The following ROBO1 variants were observed in gnomAD, a reference collection of about 807,000 sequenced individuals.
ROBO1 encodes roundabout guidance receptor 1.
Under a neutral mutation model 195.9 loss-of-function variants are expected in ROBO1, and 149 were observed. The ratio of observed to expected loss-of-function variants is 0.76; its 90% CI spans 0.67 to 0.87. The LOEUF is 0.87. Ranked by LOEUF, ROBO1 falls within the 40% of genes least tolerant of loss-of-function variation. The probability of loss-of-function intolerance (pLI) is 0.00; values close to 1 mark genes in which losing one functional copy is unlikely to be tolerated. For synonymous variants in ROBO1, 816 were observed against 733.2 expected (o/e 1.11, Z -1.82); for missense variants, 1,933 against 2,068.3 (o/e 0.93, Z 1.27).
intron 3 of ROBO1, among the ~76,000 whole-genome samples, chr3:79,057,851 C>T (rs370734774): frequency 6.6e-6 from 1 of 152,160 alleles, no homozygotes; most frequent in South Asian, 2.1e-4. Flanking sequence ...GTGTGGATTC[C>T]TGGAGCTACA....
At chr3:79,451,164 G>C (rs1226911652) in intron 2 of ROBO1, among the ~76,000 whole-genome samples, 1 of 148,630 alleles carries the variant, frequency 6.7e-6, no homozygotes, top group Non-Finnish European at 1.5e-5. Flanking sequence ...AGTATCTAAA[G>C]TCAATATAGA....
At chr3:78,731,659 T>C (rs2082289747) in intron 5 of ROBO1, among the ~76,000 whole-genome samples, 1 of 152,150 alleles carries the variant, frequency 6.6e-6, no homozygotes, top group African/African-American at 2.4e-5. Context: ...TCTTCAAATT[T>C]ATGTGAAAAG....
At chr3:79,562,276 G>A (rs974600347) in intron 2 of ROBO1, among the ~76,000 whole-genome samples, 2 of 151,072 alleles carry the variant, frequency 1.3e-5, no homozygotes, top group Admixed American at 1.3e-4. Flanking sequence ...AACACTATGT[G>A]CACACACACA....
At chr3:78,947,924 A>G (rs571051453) in intron 3 of ROBO1, among the ~76,000 whole-genome samples, 55 of 152,370 alleles carry the variant, frequency 3.6e-4, no homozygotes, top group Admixed American at 1.2e-3. Flanking sequence ...AAAATCTAGA[A>G]GAAATGGATA....
intron 2 of ROBO1, among the ~76,000 whole-genome samples, chr3:79,521,026 A>G (rs907725591): frequency 6.6e-6 from 1 of 152,180 alleles, no homozygotes; most frequent in South Asian, 2.1e-4. Context: ...TAGTCTGTAG[A>G]CATTAGCTAC....
At chr3:79,273,489 C>G (rs976454099) in intron 2 of ROBO1, among the ~76,000 whole-genome samples, 1 of 151,728 alleles carries the variant, frequency 6.6e-6, no homozygotes, top group Non-Finnish European at 1.5e-5. Flanking sequence ...CTCATGGTAA[C>G]CTCAAATCAA....
chr3:78,958,212 T>C (rs2041144682), intron 3 of ROBO1, among the ~76,000 whole-genome samples: 1 of 152,234 alleles, frequency 6.6e-6, no homozygotes, highest in African/African-American at 2.4e-5. Context: ...TGGATAACTG[T>C]TTTCTTACCT....
chr3:78,814,489 C>T (rs555038577), intron 4 of ROBO1, among the ~76,000 whole-genome samples: 18 of 151,932 alleles, frequency 1.2e-4, no homozygotes, highest in African/African-American at 4.1e-4. Flanking sequence ...CCAGAGTCTA[C>T]CTTATTGATG....
At chr3:78,602,153 G>A (rs959039146) in intron 29 of ROBO1, among the ~76,000 whole-genome samples, 6 of 152,064 alleles carry the variant, frequency 3.9e-5, no homozygotes, top group African/African-American at 1.4e-4. Context: ...TGGAGGTGGG[G>A]CCAGGTGGGA....
chr3:79,632,623 AT>A (rs151018889), intron 1 of ROBO1, among the ~76,000 whole-genome samples: 2,625 of 152,294 alleles, frequency 0.017, 32 homozygotes, highest in Non-Finnish European at 0.026. Context: ...CCCTGAATCT[AT>A]TTTTGAAAAA....
At chr3:79,150,480 C>T (rs868368657) in intron 2 of ROBO1, among the ~76,000 whole-genome samples, 59 of 151,592 alleles carry the variant, frequency 3.9e-4, no homozygotes, top group Admixed American at 4.6e-4. Context: ...ATTTAAAAGA[C>T]AATATTATGG....
At chr3:79,326,825 A>G (rs1029483744) in intron 2 of ROBO1, among the ~76,000 whole-genome samples, 1 of 152,194 alleles carries the variant, frequency 6.6e-6, no homozygotes, top group African/African-American at 2.4e-5. Flanking sequence ...GAAACTATAT[A>G]TGATCATACC....
intron 2 of ROBO1, among the ~76,000 whole-genome samples, chr3:79,178,674 G>A (rs1408206299): frequency 6.6e-6 from 1 of 152,158 alleles, no homozygotes; most frequent in Non-Finnish European, 1.5e-5. Flanking sequence ...CATTGTGAGG[G>A]TTAATTTACT....
intron 8 of ROBO1, among the ~76,000 whole-genome samples, chr3:78,705,767 T>A (rs1465245910): frequency 6.6e-6 from 1 of 152,082 alleles, no homozygotes; most frequent in Non-Finnish European, 1.5e-5. Context: ...AAAAGGCAAA[T>A]GTGCTGTCTC....
intron 4 of ROBO1, among the ~76,000 whole-genome samples, chr3:78,852,944 G>A (rs1010241454): frequency 2.0e-5 from 3 of 152,052 alleles, no homozygotes; most frequent in African/African-American, 4.8e-5. Flanking sequence ...TGGTTCATAG[G>A]TTTATGCATA....
intron 2 of ROBO1, among the ~76,000 whole-genome samples, chr3:79,241,334 GT>G (rs1188424611): frequency 6.6e-6 from 1 of 152,084 alleles, no homozygotes; most frequent in African/African-American, 2.4e-5. Flanking sequence ...GTTCCTATAT[GT>G]TTAGATTGCC....
chr3:79,691,837 T>G (rs955380389), intron 1 of ROBO1, among the ~76,000 whole-genome samples: 2 of 151,936 alleles, frequency 1.3e-5, no homozygotes, highest in African/African-American at 4.8e-5. Flanking sequence ...AAAATTACTT[T>G]CTACGAACCT....
intron 2 of ROBO1, among the ~76,000 whole-genome samples, chr3:79,452,866 C>A (rs1388779659): frequency 6.6e-6 from 1 of 151,766 alleles, no homozygotes; most frequent in East Asian, 1.9e-4. Flanking sequence ...GGGCATAAAG[C>A]AGAAGTTATG....
At chr3:78,801,294 C>T (rs779559518) in intron 4 of ROBO1, among the ~76,000 whole-genome samples, 2 of 152,020 alleles carry the variant, frequency 1.3e-5, no homozygotes, top group Non-Finnish European at 2.9e-5. Context: ...AAGGCATATT[C>T]GATTATGAAA....
Sources: gnomAD v4.1 joint callset for allele counts (sites outside exome capture counted in the v4.1 genomes callset) on GRCh38, gnomAD v4.1.1 for gene constraint, MANE v1.5 for transcripts, NCBI Gene and HGNC (gene_info 2026-07-23, HGNC 2026-07-21) for gene names.